Variants in CDH4 observed in about 807,000 individuals in gnomAD.
The protein encoded by CDH4 is cadherin 4.
A neutral mutation model predicts 86.0 loss-of-function variants in CDH4; 33 were observed. That is an observed-to-expected ratio of 0.38 (90% CI 0.29 to 0.51). The LOEUF (loss-of-function observed/expected upper bound fraction) is 0.51. Ranked by LOEUF, CDH4 falls within the 20% of genes least tolerant of loss-of-function variation. The probability of loss-of-function intolerance (pLI) is 0.86; values close to 1 mark genes in which losing one functional copy is unlikely to be tolerated. For synonymous variants in CDH4, 555 were observed against 549.4 expected, an observed-to-expected ratio of 1.01 and a Z score of -0.14; for missense variants, 1,114 against 1,307.4, an observed-to-expected ratio of 0.85 and a Z score of 2.28.
chr20:61,706,683 G>A (rs1164306802), intron 2 of CDH4, among the ~76,000 whole-genome samples: 1 of 152,150 alleles, frequency 6.6e-6, no homozygotes, highest in Non-Finnish European at 1.5e-5. Flanking sequence ...CCGACTCCCT[G>A]ATCCCCGATG....
rs1234535083 is a variant in CDH4 at position 61,937,476 on chromosome 20, GA to G, written c.*537del. On this transcript the variant is annotated 3_prime_UTR_variant, in exon 16 of 16. Transcript: ENST00000614565. ...GAAAAAGAAAGTGGGTGACTTGTTT[GA>G]AAACAGAGTGGGGTTCAAATCCCAG... 1 of 152,082 alleles carries G rather than the reference GA, an allele frequency of 6.6e-6. No individual in the cohort carries two copies. Among genetic ancestry groups the G allele is most frequent in the Non-Finnish European group, 1.5e-5 (1 of 68,006 alleles). 9.4% of individuals were successfully genotyped at this position (152,082 alleles called of 1,614,324 possible). A position where few individuals can be genotyped will look rare whatever the true frequency, so the allele number is the denominator to read the frequency against.
At chr20:61,577,071 T>C (rs915668995) in intron 2 of CDH4, among the ~76,000 whole-genome samples, 11 of 152,262 alleles carry the variant, frequency 7.2e-5, no homozygotes, top group Non-Finnish European at 1.6e-4. Context: ...GATGCATGGA[T>C]GTTTTGCATG....
intron 9 of CDH4, among the ~76,000 whole-genome samples, chr20:61,914,132 G>A (rs1043666935): frequency 3.3e-5 from 5 of 152,200 alleles, no homozygotes; most frequent in Non-Finnish European, 5.9e-5. Context: ...TGGCACTGAG[G>A]CCATTGAGGG....
At chr20:61,789,771 T>A (rs980132561) in intron 4 of CDH4, among the ~76,000 whole-genome samples, 1 of 151,834 alleles carries the variant, frequency 6.6e-6, no homozygotes, top group African/African-American at 2.4e-5. Context: ...CCCTGGGAGG[T>A]AGAACTGGTG....
chr20:61,920,199 T>TGGTGACTGCGTGGAAGCATGGTGTCAC (rs1568887900), intron 9 of CDH4, among the ~76,000 whole-genome samples: 2 of 144,862 alleles, frequency 1.4e-5, no homozygotes, highest in African/African-American at 5.2e-5. Context: ...CGTGGTGTCA[T>TGGTGACTGCGTGGAAGCATGGTGTCAC]GGTGACTGCG....
intron 2 of CDH4, among the ~76,000 whole-genome samples, chr20:61,574,370 G>T (rs377177248): frequency 1.3e-5 from 2 of 152,256 alleles, no homozygotes; most frequent in Admixed American, 6.5e-5. Flanking sequence ...TGAAGTGGAC[G>T]TAGGCATCTC....
chr20:61,297,601 A>G lies in CDH4; in HGVS notation c.169+42664A>G, dbSNP rs772057622. Among the ~76,000 whole-genome samples the G allele has an allele frequency of 6.5e-4, 99 of 152,330 alleles. 1 individual carries two copies. Among genetic ancestry groups the G allele is most frequent in the Admixed American group, 6.5e-4 (10 of 15,308 alleles). ...AGGGCTGGGCAGCAGCTGTTTTTCC[A>G]AAGCCGGGGCGGTGCCTGGCACACA... is the stretch of plus-strand genomic sequence containing the variant. On this transcript the variant is annotated intron_variant, in intron 2 of 15. Transcript: ENST00000614565.
At chr20:61,500,809 C>A (rs552377169) in intron 2 of CDH4, among the ~76,000 whole-genome samples, 1 of 152,354 alleles carries the variant, frequency 6.6e-6, no homozygotes, top group South Asian at 2.1e-4. Context: ...TATAGCCTCA[C>A]AGCCCATCCA....
rs900659859 is a variant in CDH4 at position 61,807,574 on chromosome 20, C to T, written c.576+34392C>T. On this transcript the variant is annotated intron_variant, in intron 4 of 15. Transcript: ENST00000614565. The surrounding 1 kb of genome is among the most constrained non-coding windows in gnomAD (Gnocchi z 4.5). ...CCACCATCAGCGAGGGGAGTGTGAC[C>T]AAGGGCAGGTGTTCCGTGCAGGGCT... Among the ~76,000 whole-genome samples, 2 of 152,164 alleles carry T rather than the reference C, an allele frequency of 1.3e-5. No individual in the cohort carries two copies. The highest frequency in any genetic ancestry group is 2.9e-5 in the Non-Finnish European group (2 of 68,028).
At chr20:61,809,622 G>A (rs114850319) in intron 4 of CDH4, among the ~76,000 whole-genome samples, 207 of 152,302 alleles carry the variant, frequency 1.4e-3, no homozygotes, top group African/African-American at 4.7e-3. Flanking sequence ...TTCTGGATCC[G>A]CCTATGCCGG....
intron 2 of CDH4, among the ~76,000 whole-genome samples, chr20:61,481,845 C>G (rs1460455461): frequency 1.3e-5 from 2 of 152,344 alleles, no homozygotes; most frequent in East Asian, 3.9e-4. Flanking sequence ...TTTTCAAATA[C>G]AGTAAAATGC....
chr20:61,417,867 A>G lies in CDH4; in HGVS notation c.169+162930A>G. Among the ~76,000 whole-genome samples the G allele has an allele frequency of 6.6e-6, 1 of 152,120 alleles. No individual in the cohort carries two copies. The highest frequency in any genetic ancestry group is 1.9e-4 in the East Asian group (1 of 5,170). ...TGGTCCTGGGCCAAGGGGCCAGGCCAGGAGCAGCAGGGCCCTTCATGCTCA... is the reference window on the plus strand; with the variant it reads ...TGGTCCTGGGCCAAGGGGCCAGGCCGGGAGCAGCAGGGCCCTTCATGCTCA... On this transcript the variant is annotated intron_variant, in intron 2 of 15. Transcript: ENST00000614565. This position sits in a 1 kb window ranked among gnomAD's most constrained non-coding sequence, Gnocchi z 4.0.
At chr20:61,362,893 G>C (rs1298110178) in intron 2 of CDH4, among the ~76,000 whole-genome samples, 2 of 152,198 alleles carry the variant, frequency 1.3e-5, no homozygotes, top group African/African-American at 4.8e-5. Context: ...GTCCAAAGAT[G>C]CCATTCCTAA....
intron 2 of CDH4, among the ~76,000 whole-genome samples, chr20:61,397,833 CA>C (rs1330821621): frequency 6.6e-6 from 1 of 152,160 alleles, no homozygotes; most frequent in Non-Finnish European, 1.5e-5. Flanking sequence ...ATAAGATTCC[CA>C]TGTGCCCTGA....
At chr20:61,787,300 T>A (rs1978935327) in intron 4 of CDH4, among the ~76,000 whole-genome samples, 1 of 152,158 alleles carries the variant, frequency 6.6e-6, no homozygotes, top group Non-Finnish European at 1.5e-5. Flanking sequence ...GTTCAGCAGG[T>A]CTGGGGAGGC....
intron 2 of CDH4, among the ~76,000 whole-genome samples, chr20:61,420,568 G>A (rs531209526): frequency 8.5e-5 from 13 of 152,366 alleles, no homozygotes; most frequent in East Asian, 7.7e-4. Flanking sequence ...AAAGCTGAGC[G>A]TGTGTATTTC....
At chr20:61,301,667 ATAT>A (rs1483212779) in intron 2 of CDH4, among the ~76,000 whole-genome samples, 6 of 152,358 alleles carry the variant, frequency 3.9e-5, no homozygotes, top group African/African-American at 1.4e-4. Flanking sequence ...ACAGATCATA[ATAT>A]TATTAAAATT....
chr20:61,788,497 C>A (rs1979002182), intron 4 of CDH4, among the ~76,000 whole-genome samples: 2 of 152,168 alleles, frequency 1.3e-5, no homozygotes, highest in Admixed American at 1.3e-4. Flanking sequence ...TTCCGGCACC[C>A]AGAGGTGGGG....
intron 2 of CDH4, among the ~76,000 whole-genome samples, chr20:61,449,582 C>A (rs6062114): frequency 0.035 from 5,262 of 152,144 alleles, 289 homozygotes; most frequent in African/African-American, 0.12. Flanking sequence ...AGAAAGAATT[C>A]CAACTTTTAT....
Sources: allele counts gnomAD v4.1 joint callset (sites outside exome capture counted in the v4.1 genomes callset), GRCh38; gene constraint gnomAD v4.1.1; non-coding constraint Gnocchi (gnomAD v3.1); transcripts MANE v1.5; gene names NCBI Gene and HGNC (gene_info 2026-07-23, HGNC 2026-07-21).